The following HS6ST3 variants were observed in gnomAD, a reference collection of about 807,000 sequenced individuals.
The protein encoded by HS6ST3 is heparan-sulfate 6-O-sulfotransferase 3.
In HS6ST3, 12 loss-of-function variants were observed where a neutral mutation model predicts 36.7. The observed-to-expected ratio is 0.33, with a 90% confidence interval of 0.21 to 0.53. The LOEUF (loss-of-function observed/expected upper bound fraction) is 0.53, where lower values mean the gene tolerates loss of function less well. Among genes scored for constraint, HS6ST3 ranks in the 20% least tolerant of loss-of-function variants. The probability of loss-of-function intolerance (pLI) is 0.95; values close to 1 mark genes in which losing one functional copy is unlikely to be tolerated. For synonymous variants in HS6ST3, 240 were observed against 257.5 expected, an observed-to-expected ratio of 0.93 and a Z score of 0.65; for missense variants, 584 against 640.9, an observed-to-expected ratio of 0.91 and a Z score of 0.96.
At chr13:96,366,003 T>G (rs1566338978) in intron 1 of HS6ST3, among the ~76,000 whole-genome samples, 1 of 152,158 alleles carries the variant, frequency 6.6e-6, no homozygotes, top group Admixed American at 6.5e-5. Context: ...TTAGAAACTC[T>G]AAGGCACTTT....
At chr13:96,805,939 C>A (rs1008022578) in intron 1 of HS6ST3, among the ~76,000 whole-genome samples, 1 of 152,186 alleles carries the variant, frequency 6.6e-6, no homozygotes, top group Non-Finnish European at 1.5e-5. Context: ...GAATGCAGGA[C>A]TCTAATGCTC....
intron 1 of HS6ST3, among the ~76,000 whole-genome samples, chr13:96,831,246 G>T (rs1299375964): frequency 6.6e-6 from 1 of 152,124 alleles, no homozygotes; most frequent in Admixed American, 6.5e-5. Flanking sequence ...TTAATAATGG[G>T]TTTATTTTCA....
intron 1 of HS6ST3, among the ~76,000 whole-genome samples, chr13:96,763,708 T>G (rs1877026575): frequency 1.3e-5 from 2 of 152,138 alleles, no homozygotes; most frequent in South Asian, 4.2e-4. Flanking sequence ...CATATATAAA[T>G]TGTAATGGTG....
chr13:96,484,905 A>G (rs981172662), intron 1 of HS6ST3, among the ~76,000 whole-genome samples: 1 of 152,010 alleles, frequency 6.6e-6, no homozygotes, highest in Non-Finnish European at 1.5e-5. Context: ...TTTTTGAGGC[A>G]CCTCCATACT....
At chr13:96,181,126 A>G (rs1337059125) in intron 1 of HS6ST3, among the ~76,000 whole-genome samples, 6 of 152,204 alleles carry the variant, frequency 3.9e-5, no homozygotes, top group Non-Finnish European at 2.9e-5. Context: ...TAGTAGAGAA[A>G]TACTTTATCT....
At chr13:96,114,335 C>T (rs1290189915) in intron 1 of HS6ST3, among the ~76,000 whole-genome samples, 6 of 151,856 alleles carry the variant, frequency 4.0e-5, no homozygotes, top group African/African-American at 7.3e-5. Flanking sequence ...TTTTTTGATG[C>T]GATGGGATAT....
At chr13:96,738,022 A>G (rs1001617729) in intron 1 of HS6ST3, among the ~76,000 whole-genome samples, 1 of 152,216 alleles carries the variant, frequency 6.6e-6, no homozygotes, top group Non-Finnish European at 1.5e-5. Context: ...AGATCGTTAC[A>G]TTATTCACAA....
chr13:96,122,401 C>A (rs1276212153), intron 1 of HS6ST3, among the ~76,000 whole-genome samples: 2 of 152,034 alleles, frequency 1.3e-5, no homozygotes, highest in Non-Finnish European at 2.9e-5. Context: ...TTTTAATTAA[C>A]ATAATCTCAT....
chr13:96,206,410 T>C (rs2054370491), intron 1 of HS6ST3, among the ~76,000 whole-genome samples: 1 of 152,220 alleles, frequency 6.6e-6, no homozygotes, highest in Non-Finnish European at 1.5e-5. Flanking sequence ...TTCAATGCTA[T>C]TCTCATTAAA....
rs898704809 is a variant in HS6ST3, at chr13:96,763,325, T to A, written c.708-69165T>A. Among the ~76,000 whole-genome samples the A allele has an allele frequency of 2.7e-5, 4 of 149,766 alleles. No homozygotes were observed. In the East Asian group the frequency reaches 7.8e-4, roughly 29 times the overall value. Reference sequence around the variant, plus strand: ...ATGTATTAGTATAATAGGTTTAATATGAATATATTTATATAACTAGCAGGG... The same window carrying A: ...ATGTATTAGTATAATAGGTTTAATAAGAATATATTTATATAACTAGCAGGG... On this transcript the variant is annotated intron_variant, in intron 1 of 1. Transcript: ENST00000376705.
At chr13:96,494,853 A>G (rs957762240) in intron 1 of HS6ST3, among the ~76,000 whole-genome samples, 1 of 152,194 alleles carries the variant, frequency 6.6e-6, no homozygotes, top group Non-Finnish European at 1.5e-5. Flanking sequence ...TGGCATCACT[A>G]GTATTGTTGG....
At chr13:96,572,168 A>G (rs914416070) in intron 1 of HS6ST3, among the ~76,000 whole-genome samples, 2 of 152,166 alleles carry the variant, frequency 1.3e-5, no homozygotes, top group Non-Finnish European at 2.9e-5. Context: ...CTTAACCTCT[A>G]TTTGTCCTCA....
chr13:96,274,716 A>C lies in HS6ST3; in HGVS notation c.707+183147A>C, dbSNP rs147656156. On this transcript the variant is annotated intron_variant, in intron 1 of 1. Transcript: ENST00000376705. ...CATTGAACCAGAAATGCTGCTCTCC[A>C]TAGAATTATATTCTAATCAACCAAG... Among the ~76,000 whole-genome samples the C allele has an allele frequency of 7.2e-4, 109 of 152,256 alleles. 2 individuals carry two copies. Among genetic ancestry groups the C allele is most frequent in the African/African-American group, 2.5e-3 (105 of 41,568 alleles).
chr13:96,716,215 G>A (rs1370182492), intron 1 of HS6ST3, among the ~76,000 whole-genome samples: 1 of 151,878 alleles, frequency 6.6e-6, no homozygotes, highest in Non-Finnish European at 1.5e-5. Flanking sequence ...ATAATATCAA[G>A]CATTCCATTG....
At chr13:96,200,513 C>T (rs2054336313) in intron 1 of HS6ST3, among the ~76,000 whole-genome samples, 1 of 152,178 alleles carries the variant, frequency 6.6e-6, no homozygotes, top group Non-Finnish European at 1.5e-5. Flanking sequence ...CTTGGCTATA[C>T]TATCTAAAGT....
At chr13:96,280,169 G>A (rs1428562312) in intron 1 of HS6ST3, among the ~76,000 whole-genome samples, 1 of 152,122 alleles carries the variant, frequency 6.6e-6, no homozygotes, top group South Asian at 2.1e-4. Context: ...CTGCAAAAGC[G>A]ATGTGTCACT....
chr13:96,515,651 G>C (rs2056069417), intron 1 of HS6ST3, among the ~76,000 whole-genome samples: 1 of 152,098 alleles, frequency 6.6e-6, no homozygotes, highest in African/African-American at 2.4e-5. Context: ...GATGTGGTGT[G>C]AGGAGAGATG....
chr13:96,526,653 G>T (rs1386732860), intron 1 of HS6ST3, among the ~76,000 whole-genome samples: 1 of 152,140 alleles, frequency 6.6e-6, no homozygotes, highest in African/African-American at 2.4e-5. Context: ...AAAACTTAGG[G>T]TATTAAGTTG....
chr13:96,414,533 A>G (rs2055523502), intron 1 of HS6ST3, among the ~76,000 whole-genome samples: 1 of 151,984 alleles, frequency 6.6e-6, no homozygotes, highest in Non-Finnish European at 1.5e-5. Context: ...CCTAGGCTGG[A>G]GTGCAGTGGT....
Sources: gnomAD v4.1 joint callset for allele counts (sites outside exome capture counted in the v4.1 genomes callset) on GRCh38, gnomAD v4.1.1 for gene constraint, MANE v1.5 for transcripts, NCBI Gene and HGNC (gene_info 2026-07-23, HGNC 2026-07-21) for gene names.